RAD51AP1: variants seen among roughly 807,000 people sequenced by gnomAD.
RAD51AP1 encodes RAD51 associated protein 1.
A neutral mutation model predicts 34.3 loss-of-function variants in RAD51AP1; 14 were observed. The ratio of observed to expected loss-of-function variants is 0.41; its 90% CI spans 0.27 to 0.64. RAD51AP1 has a LOEUF of 0.64. Ranked by LOEUF, RAD51AP1 falls within the 30% of genes least tolerant of loss-of-function variation. The pLI, the probability that RAD51AP1 is intolerant of heterozygous loss-of-function variation, is 0.33. For synonymous variants in RAD51AP1, 114 were observed against 129.8 expected (o/e 0.88, Z 0.83); for missense variants, 348 against 386.9 (o/e 0.90, Z 0.84).
intron 5 of RAD51AP1, 24 bp from the exon 6 acceptor site, chr12:4,548,663 T>C (rs374106347): frequency 3.1e-6 from 5 of 1,604,108 alleles, no homozygotes; most frequent in East Asian, 2.2e-5. Flanking sequence ...AAGTTTTCCA[T>C]TGATTTTTAT....
chr12:4,541,651 C>T lies in RAD51AP1; in HGVS notation c.18-233C>T, dbSNP rs71583767. Among the ~76,000 whole-genome samples, 528 of 152,100 alleles carry T rather than the reference C, an allele frequency of 3.5e-3. 3 individuals carry two copies. The highest frequency in any genetic ancestry group is 0.012 in the African/African-American group (480 of 41,486). ...AACTATTTTAGCTAATGATAAATCC[C>T]CGCGGTAAAATGCAAATCATGTTTT... On this transcript the variant is annotated intron_variant, in intron 1 of 8. Coordinates refer to ENST00000352618, the MANE Select transcript of RAD51AP1 (RefSeq NM_006479.5).
intron 1 of RAD51AP1, among the ~76,000 whole-genome samples, chr12:4,539,248 T>C (rs1471495108): frequency 6.6e-6 from 1 of 152,214 alleles, no homozygotes; most frequent in Non-Finnish European, 1.5e-5. Context: ...TATGTGTTAT[T>C]TTATTTGTTT....
rs2137302830 is a variant in RAD51AP1 at position 4,559,491 on chromosome 12, TAC to T, written c.*503_*504del. Reference sequence around the variant, plus strand: ...TTATAGTACAAACTTAGAATTATTTTACACACTAAAATGGTTGCAGTTTTATG... The same window carrying T: ...TTATAGTACAAACTTAGAATTATTTTACACTAAAATGGTTGCAGTTTTATG... On this transcript the variant is annotated 3_prime_UTR_variant, in exon 9 of 9. Transcript: ENST00000352618. 1 of 152,460 alleles carries T rather than the reference TAC, an allele frequency of 6.6e-6. No homozygotes were observed. The highest frequency in any genetic ancestry group is 6.5e-5 in the Admixed American group (1 of 15,314). The allele number at this position is 152,460 out of a possible 1,614,324, so 9.4% of individuals were successfully genotyped here. A position where few individuals can be genotyped will look rare whatever the true frequency, so the allele number is the denominator to read the frequency against.
In RAD51AP1 at chr12:4,538,892, A is replaced by C; in HGVS notation, c.-48A>C. 6.2e-7 allele frequency: 1 copy of C among 1,610,142 alleles called. No homozygotes were observed. Among genetic ancestry groups the C allele is most frequent in the South Asian group, 1.1e-5 (1 of 90,964 alleles). On this transcript the variant is annotated 5_prime_UTR_variant, in exon 1 of 9. Coordinates refer to ENST00000352618, the MANE Select transcript of RAD51AP1 (RefSeq NM_006479.5). ...GGGCGGGAATTGAAACCGCCGCTGA[A>C]GCCAACAAGAATTTGAGAACTGTAA...
chr12:4,546,459 A>C, intron 4 of RAD51AP1, 41 bp downstream of exon 4: 1 of 1,412,310 alleles, frequency 7.1e-7, no homozygotes, highest in Non-Finnish European at 9.9e-7. Flanking sequence ...AAACCTTCTT[A>C]ATGCTTTTGT....
Position 4,546,292 on chromosome 12 carries a change from T to G in RAD51AP1, c.210-17T>G. 1 of 1,516,306 alleles carries G rather than the reference T, an allele frequency of 6.6e-7. No homozygotes were observed. Among genetic ancestry groups the G allele is most frequent in the Non-Finnish European group, 9.1e-7 (1 of 1,103,652 alleles). The allele number at this position is 1,516,306 out of a possible 1,614,324, so 93.9% of individuals were successfully genotyped here. ...GATATTTTGAAGAACTCATTATTAC[T>G]TGTGTATCTATTTTAGGATGGCTTT... On this transcript the variant is annotated splice_polypyrimidine_tract_variant and intron_variant, in intron 3 of 8. Transcript: ENST00000352618.
intron 7 of RAD51AP1, among the ~76,000 whole-genome samples, chr12:4,555,842 T>C (rs976833833): frequency 6.6e-6 from 1 of 152,220 alleles, no homozygotes; most frequent in South Asian, 2.1e-4. Flanking sequence ...CTTACCACAC[T>C]GCATTTTACA....
At chr12:4,551,510 AAG>A (rs1491258322) in intron 6 of RAD51AP1, among the ~76,000 whole-genome samples, 2 of 151,722 alleles carry the variant, frequency 1.3e-5, no homozygotes, top group Admixed American at 1.3e-4. Context: ...AAAAAAAAAA[AAG>A]CAAGATTAAG....
At chr12:4,549,860 A>G (rs1205075020) in intron 6 of RAD51AP1, among the ~76,000 whole-genome samples, 1 of 152,194 alleles carries the variant, frequency 6.6e-6, no homozygotes, top group Non-Finnish European at 1.5e-5. Context: ...ACTTCTGAGT[A>G]TGTATCCAAA....
intron 4 of RAD51AP1, among the ~76,000 whole-genome samples, chr12:4,547,774 T>C (rs1377457433): frequency 6.6e-6 from 1 of 152,236 alleles, no homozygotes; most frequent in African/African-American, 2.4e-5. Context: ...AGATCCACAT[T>C]TGGTCTTCTG....
chr12:4,542,009 C>A, intron 2 of RAD51AP1, 76 bp downstream of exon 2: 2 of 929,702 alleles, frequency 2.2e-6, no homozygotes, highest in South Asian at 2.3e-5. Context: ...ATATATAGCT[C>A]AAACACTGAC....
chr12:4,541,078 C>T lies in RAD51AP1; in HGVS notation c.18-806C>T, dbSNP rs16931532. 6.5e-3 allele frequency among the ~76,000 whole-genome samples: 995 copies of T among 152,194 alleles called. 9 individuals carry two copies. Among genetic ancestry groups the T allele is most frequent in the Middle Eastern group, 0.017 (5 of 294 alleles). ...TTGAATATCATTTTCTTCTAATGCC[C>T]TCTGAAGTAGTACAAGTTGAGCATC... is the stretch of plus-strand genomic sequence containing the variant. On this transcript the variant is annotated intron_variant, in intron 1 of 8. Coordinates refer to ENST00000352618, the MANE Select transcript of RAD51AP1 (RefSeq NM_006479.5).
At chr12:4,539,061 GT>G in intron 1 of RAD51AP1, 105 bp downstream of exon 1, 1 of 1,299,676 alleles carries the variant, frequency 7.7e-7, no homozygotes, top group Non-Finnish European at 1.1e-6. Context: ...CGATGGTGGG[GT>G]TAGGATGGAC....
At chr12:4,539,145 T>A (rs1944432418) in intron 1 of RAD51AP1, among the ~76,000 whole-genome samples, 189 bp downstream of exon 1, 1 of 152,330 alleles carries the variant, frequency 6.6e-6, no homozygotes, top group East Asian at 1.9e-4. Context: ...AGCTTTTTCC[T>A]TCTCTTTGCC....
chr12:4,556,218 C>A, intron 7 of RAD51AP1, 135 bp from the exon 8 acceptor site: 2 of 702,104 alleles, frequency 2.8e-6, no homozygotes, highest in Admixed American at 2.9e-5. Context: ...TATTCTTAGG[C>A]TCTCAATAAA....
intron 3 of RAD51AP1, chr12:4,545,118 T>C (rs1254054642): frequency 5.0e-6 from 2 of 399,596 alleles, no homozygotes; most frequent in Non-Finnish European, 9.9e-6. Context: ...CACAGCAACA[T>C]TATTCATAAT....
At chr12:4,545,415 A>G in intron 3 of RAD51AP1, 1 of 310,858 alleles carries the variant, frequency 3.2e-6, no homozygotes, top group Non-Finnish European at 6.3e-6. Context: ...AGGGGTAAAC[A>G]GGAAGTGAAT....
intron 5 of RAD51AP1, 131 bp downstream of exon 5, chr12:4,548,309 A>C: frequency 7.9e-7 from 1 of 1,267,714 alleles, no homozygotes; most frequent in Non-Finnish European, 1.1e-6. Context: ...CATGGCCTTT[A>C]TTTCTTTGTG....
In RAD51AP1 at chr12:4,558,965, C is replaced by G. The variant is rs1486157076; in HGVS notation, c.980C>G (p.Pro327Arg). The change falls in exon 9 of 9, where the codon CCT (proline) becomes CGT (arginine). Residue 327 changes from proline (P) to arginine (R), a missense_variant. Pro to Arg is a moderately radical substitution (Grantham distance 103, BLOSUM62 -2). Coordinates refer to ENST00000352618, the MANE Select transcript of RAD51AP1 (RefSeq NM_006479.5). The stretch of plus-strand genomic sequence containing the variant: ...TTGTCCAGATTAGCACGAGTTAAAC[C>G]TTTGCATCCAAATGCCACTAGCACC... ...LGLSRLARVK[P>R]LHPNATST 2.5e-6 allele frequency: 4 copies of G among 1,614,020 alleles called. No homozygotes were observed. In the African/African-American group the frequency reaches 4.0e-5, roughly 16 times the overall value.
Sources: gnomAD v4.1 joint callset for allele counts (sites outside exome capture counted in the v4.1 genomes callset) on GRCh38, gnomAD v4.1.1 for gene constraint, MANE v1.5 for transcripts, NCBI Gene and HGNC (gene_info 2026-07-23, HGNC 2026-07-21) for gene names.